The following CLGN variants were observed in gnomAD, a reference collection of about 807,000 sequenced individuals.
CLGN encodes the protein calmegin.
In CLGN, 62 loss-of-function variants were observed where a neutral mutation model predicts 79.1. The ratio of observed to expected loss-of-function variants is 0.78; its 90% CI spans 0.64 to 0.97. The LOEUF is 0.97. Ranked by LOEUF, CLGN falls within the 50% of genes least tolerant of loss-of-function variation. The pLI is 0.00. For missense variants in CLGN, 647 were observed against 715.5 expected, an observed-to-expected ratio of 0.90 and a Z score of 1.09; for synonymous variants, 225 against 224.7, an observed-to-expected ratio of 1.00 and a Z score of -0.01.
chr4:140,410,301 C>G (rs1254105866), intron 3 of CLGN, among the ~76,000 whole-genome samples: 1 of 151,738 alleles, frequency 6.6e-6, no homozygotes, highest in Non-Finnish European at 1.5e-5. Context: ...TTAATCTGTC[C>G]TAGAGAATAA....
rs1728859805 is a variant in CLGN, at chr4:140,395,697, T to C, written c.1149+122A>G. On this transcript the variant is annotated intron_variant, in intron 10 of 14. Transcript: ENST00000325617. ...AATATAAATTAGTTGAGGTCTATTT[T>C]CTTTGACATCTTAAAATTAAAAATG... 5 of 757,508 alleles carry C rather than the reference T, an allele frequency of 6.6e-6. No homozygotes were observed. In the Admixed American group the frequency reaches 1.1e-4, roughly 17 times the overall value. The allele number at this position is 757,508 out of a possible 1,614,324, so 46.9% of individuals were successfully genotyped here.
intron 1 of CLGN, among the ~76,000 whole-genome samples, chr4:140,414,104 C>A (rs184263500): frequency 2.0e-5 from 3 of 148,644 alleles, no homozygotes; most frequent in Admixed American, 6.7e-5. Flanking sequence ...ACACCTCACA[C>A]GGCAGGGTAT....
At chr4:140,395,037 C>T (rs941636671) in intron 10 of CLGN, among the ~76,000 whole-genome samples, 2 of 152,100 alleles carry the variant, frequency 1.3e-5, no homozygotes, top group Admixed American at 6.5e-5. Context: ...GTTAGCCGGG[C>T]GTGCTGGGGT....
chr4:140,421,307 G>GAGTATATACCCATA (rs1376888079), intron 1 of CLGN, among the ~76,000 whole-genome samples: 1 of 151,974 alleles, frequency 6.6e-6, no homozygotes, highest in African/African-American at 2.4e-5. Flanking sequence ...CAATTCTTTT[G>GAGTATATACCCATA]AGTATATACC....
At chr4:140,414,727 G>A (rs1424717165) in intron 1 of CLGN, among the ~76,000 whole-genome samples, 1 of 147,946 alleles carries the variant, frequency 6.8e-6, no homozygotes, top group Non-Finnish European at 1.5e-5. Context: ...CGTCTGATTG[G>A]TGTACCTAAA....
At chr4:140,412,914 C>T (rs1368807486) in intron 2 of CLGN, 21 bp downstream of exon 2, 2 of 1,603,110 alleles carry the variant, frequency 1.2e-6, no homozygotes, top group African/African-American at 1.3e-5. Context: ...TAATTTATAA[C>T]CCATTTCTCA....
intron 8 of CLGN, among the ~76,000 whole-genome samples, chr4:140,398,132 C>T (rs1241833959): frequency 6.6e-6 from 1 of 152,082 alleles, no homozygotes; most frequent in East Asian, 1.9e-4. Context: ...TTTCTGAGTG[C>T]TCAGAGTAAC....
At chr4:140,401,317 C>A (rs1728995631) in intron 6 of CLGN, among the ~76,000 whole-genome samples, 1 of 152,102 alleles carries the variant, frequency 6.6e-6, no homozygotes, top group Non-Finnish European at 1.5e-5. Flanking sequence ...ACTCCAATGG[C>A]CTCTCCTTCA....
intron 10 of CLGN, among the ~76,000 whole-genome samples, chr4:140,395,279 T>C (rs1347605193): frequency 6.6e-6 from 1 of 152,000 alleles, no homozygotes; most frequent in East Asian, 1.9e-4. Context: ...CCTGAGTAGC[T>C]GGGACTACAG....
intron 5 of CLGN, 98 bp downstream of exon 5, chr4:140,405,844 C>G: frequency 8.1e-7 from 1 of 1,227,316 alleles, no homozygotes. Flanking sequence ...AAAGGAAGAT[C>G]TAGATTTTCA....
chr4:140,410,428 T>G, intron 3 of CLGN, 125 bp downstream of exon 3: 1 of 665,178 alleles, frequency 1.5e-6, no homozygotes, highest in Non-Finnish European at 2.7e-6. Flanking sequence ...TGATTTACAT[T>G]GTCAATTAAA....
intron 11 of CLGN, among the ~76,000 whole-genome samples, chr4:140,393,386 G>A (rs1378297205): frequency 2.0e-5 from 3 of 152,040 alleles, no homozygotes; most frequent in Admixed American, 6.5e-5. Flanking sequence ...TTTCTAAACA[G>A]TGTTAAGGTT....
intron 1 of CLGN, among the ~76,000 whole-genome samples, chr4:140,423,659 T>A (rs973879349): frequency 2.0e-5 from 3 of 152,186 alleles, no homozygotes; most frequent in African/African-American, 7.2e-5. Flanking sequence ...GTCCTGGGCT[T>A]TTATCTGCTG....
rs538283771 is a variant in CLGN, at chr4:140,422,864, A to G, written c.-10+4673T>C. The stretch of plus-strand genomic sequence containing the variant: ...ACTCCTAGACTCAACTGATCTGGCT[A>G]CCTTGGCCTCCAAAATTGCTGGGAC... On this transcript the variant is annotated intron_variant, in intron 1 of 14. Transcript: ENST00000325617. Among the ~76,000 whole-genome samples, 11 of 152,202 alleles carry G rather than the reference A, an allele frequency of 7.2e-5. No homozygotes were observed. In the East Asian group the frequency reaches 1.9e-3, roughly 27 times the overall value.
At chr4:140,396,910 T>TACAC (rs1375210195) in intron 8 of CLGN, among the ~76,000 whole-genome samples, 6 of 132,040 alleles carry the variant, frequency 4.5e-5, no homozygotes, top group East Asian at 2.0e-4. Context: ...TATATATGTA[T>TACAC]ATATATATAT....
chr4:140,425,251 A>C (rs989111635), intron 1 of CLGN, among the ~76,000 whole-genome samples: 2 of 152,138 alleles, frequency 1.3e-5, no homozygotes, highest in Non-Finnish European at 2.9e-5. Context: ...AAAACTTCCT[A>C]TAATTATGAA....
chr4:140,412,639 TA>T (rs1729234703), intron 2 of CLGN, among the ~76,000 whole-genome samples: 1 of 152,130 alleles, frequency 6.6e-6, no homozygotes, highest in Non-Finnish European at 1.5e-5. Context: ...AAAGTATGAA[TA>T]AAAACCTTAC....
In CLGN at chr4:140,396,137, T is replaced by G. The variant is rs1728869493; in HGVS notation, c.953A>C (p.Glu318Ala). ...ATTAGGATCAGGGATAAATTTTGGT[T>G]CATCATCAAGCCAGCCAGCAGGTTT... The part of the protein sequence containing the change: ...VVKPAGWLDD[E>A]PKFIPDPNAE... The change falls in exon 9 of 15, where the codon GAA (glutamate) becomes GCA (alanine). Residue 318 changes from glutamate (E) to alanine (A), a missense_variant. By Grantham distance (107) the Glu-to-Ala change is moderately radical. Coordinates refer to ENST00000325617, the MANE Select transcript of CLGN (RefSeq NM_004362.3). 1.2e-6 allele frequency: 2 copies of G among 1,614,060 alleles called. No homozygotes were observed. Among genetic ancestry groups the G allele is most frequent in the Non-Finnish European group, 1.7e-6 (2 of 1,180,026 alleles).
intron 1 of CLGN, among the ~76,000 whole-genome samples, chr4:140,419,606 AG>A (rs1294874836): frequency 6.6e-6 from 1 of 152,168 alleles, no homozygotes; most frequent in East Asian, 1.9e-4. Flanking sequence ...CTAAAATCAA[AG>A]CACATTCAAA....
Sources: gnomAD v4.1 joint callset for allele counts (sites outside exome capture counted in the v4.1 genomes callset) on GRCh38, gnomAD v4.1.1 for gene constraint, MANE v1.5 for transcripts, NCBI Gene and HGNC (gene_info 2026-07-23, HGNC 2026-07-21) for gene names.